Variants in SLC2A13 observed in about 807,000 individuals in gnomAD.
SLC2A13 encodes solute carrier family 2 member 13.
A neutral mutation model predicts 64.4 loss-of-function variants in SLC2A13; 32 were observed. That is an observed-to-expected ratio of 0.50 (90% confidence interval 0.37 to 0.67). The LOEUF (loss-of-function observed/expected upper bound fraction) is 0.67, where lower values mean the gene tolerates loss of function less well. Among genes scored for constraint, SLC2A13 ranks in the 30% least tolerant of loss-of-function variants. SLC2A13 has a pLI of 0.00. For missense variants in SLC2A13, 743 were observed against 829.2 expected, an observed-to-expected ratio of 0.90 and a Z score of 1.28; for synonymous variants, 338 against 327.1, an observed-to-expected ratio of 1.03 and a Z score of -0.36.
At chr12:39,872,031 A>C in intron 4 of SLC2A13, 70 bp from the exon 5 acceptor site, 1 of 1,342,180 alleles carries the variant, frequency 7.5e-7, no homozygotes, top group East Asian at 2.7e-5. Context: ...TTGATAGAAA[A>C]AGATGTATTC....
chr12:39,918,032 CA>C (rs1945549369), intron 4 of SLC2A13, among the ~76,000 whole-genome samples: 1 of 151,904 alleles, frequency 6.6e-6, no homozygotes. Flanking sequence ...TGCATACAAA[CA>C]ATTAATTTAA....
At chr12:39,991,741 G>C (rs1033767179) in intron 3 of SLC2A13, among the ~76,000 whole-genome samples, 3 of 152,010 alleles carry the variant, frequency 2.0e-5, no homozygotes, top group Non-Finnish European at 4.4e-5. Context: ...TCAGTATGAA[G>C]TTGCCTAATA....
chr12:39,869,636 C>T (rs7306234), intron 5 of SLC2A13, among the ~76,000 whole-genome samples: 100,797 of 151,928 alleles, frequency 0.66, 33,833 homozygotes, highest in East Asian at 0.76. Context: ...CTGAAATCCC[C>T]TGGTGTTTCC....
chr12:39,825,783 G>A (rs1452625660), intron 7 of SLC2A13, among the ~76,000 whole-genome samples: 1 of 151,670 alleles, frequency 6.6e-6, no homozygotes, highest in Non-Finnish European at 1.5e-5. Flanking sequence ...TGATCCTTCC[G>A]AGTATTTCTT....
At chr12:39,771,511 C>T (rs960092089) in intron 7 of SLC2A13, among the ~76,000 whole-genome samples, 1 of 152,080 alleles carries the variant, frequency 6.6e-6, no homozygotes, top group Non-Finnish European at 1.5e-5. Context: ...ATTCTGCTAA[C>T]AAAAATGAAT....
intron 6 of SLC2A13, among the ~76,000 whole-genome samples, chr12:39,863,391 C>A (rs1943815303): frequency 6.6e-6 from 1 of 152,062 alleles, no homozygotes; most frequent in African/African-American, 2.4e-5. Flanking sequence ...GTTCAAAGAA[C>A]TTTTTCTAAT....
At chr12:39,986,699 CAA>C (rs144185678) in intron 3 of SLC2A13, among the ~76,000 whole-genome samples, 3 of 138,446 alleles carry the variant, frequency 2.2e-5, no homozygotes, top group Non-Finnish European at 3.2e-5. Flanking sequence ...TCTTAGCAGA[CAA>C]AAAAAAAAAG....
Position 39,913,680 on chromosome 12 carries a change from A to G in SLC2A13, c.1034+37577T>C, listed in dbSNP as rs560796359. Reference sequence around the variant, plus strand: ...GATACATAATTTGTTCATAAGAATAATATATTAATAAGATATAATACTAGT... The same window carrying G: ...GATACATAATTTGTTCATAAGAATAGTATATTAATAAGATATAATACTAGT... On this transcript the variant is annotated intron_variant, in intron 4 of 9. Coordinates refer to ENST00000280871, the MANE Select transcript of SLC2A13 (RefSeq NM_052885.4). Among the ~76,000 whole-genome samples the G allele has an allele frequency of 2.0e-5, 3 of 152,066 alleles. No individual in the cohort carries two copies. In the South Asian group the frequency reaches 6.2e-4, roughly 31 times the overall value.
intron 3 of SLC2A13, among the ~76,000 whole-genome samples, chr12:40,019,874 A>G (rs1947683928): frequency 1.3e-5 from 2 of 152,164 alleles, no homozygotes; most frequent in Non-Finnish European, 2.9e-5. Context: ...GGCTTCATAA[A>G]CCTAATAATT....
At chr12:40,017,225 T>A (rs1947635385) in intron 3 of SLC2A13, among the ~76,000 whole-genome samples, 1 of 152,208 alleles carries the variant, frequency 6.6e-6, no homozygotes, top group African/African-American at 2.4e-5. Flanking sequence ...AATGACTGTA[T>A]CTGGCAATGA....
chr12:39,929,572 T>C (rs1592291521), intron 4 of SLC2A13, among the ~76,000 whole-genome samples: 2 of 146,342 alleles, frequency 1.4e-5, no homozygotes, highest in Non-Finnish European at 3.0e-5. Context: ...GCAAAAGACA[T>C]GTAATATAGG....
At chr12:39,772,420 A>T (rs1215392752) in intron 7 of SLC2A13, among the ~76,000 whole-genome samples, 1 of 151,978 alleles carries the variant, frequency 6.6e-6, no homozygotes, top group East Asian at 1.9e-4. Flanking sequence ...TTTTTTTTTT[A>T]AATCTCAACC....
chr12:40,066,412 G>C (rs1307097085), intron 1 of SLC2A13, among the ~76,000 whole-genome samples: 1 of 152,124 alleles, frequency 6.6e-6, no homozygotes, highest in Non-Finnish European at 1.5e-5. Flanking sequence ...TTTAAAGAAA[G>C]CGATAAAGCA....
intron 3 of SLC2A13, among the ~76,000 whole-genome samples, chr12:39,970,278 T>G (rs1239897517): frequency 6.6e-6 from 1 of 152,318 alleles, no homozygotes; most frequent in East Asian, 1.9e-4. Flanking sequence ...GACTTGGCAA[T>G]GCAGGCTCTT....
At chr12:39,885,890 T>G (rs539822383) in intron 4 of SLC2A13, among the ~76,000 whole-genome samples, 1 of 152,326 alleles carries the variant, frequency 6.6e-6, no homozygotes, top group African/African-American at 2.4e-5. Context: ...TTCTAACGTA[T>G]TTGGTTCAAC....
At chr12:39,930,380 C>T (rs112477947) in intron 4 of SLC2A13, among the ~76,000 whole-genome samples, 338 of 151,758 alleles carry the variant, frequency 2.2e-3, no homozygotes, top group African/African-American at 7.5e-3. Context: ...CCATCATCAT[C>T]GTAATGAAAA....
intron 1 of SLC2A13, among the ~76,000 whole-genome samples, chr12:40,104,105 G>A (rs1295530414): frequency 2.0e-5 from 3 of 152,110 alleles, no homozygotes; most frequent in African/African-American, 7.2e-5. Flanking sequence ...AACAAGTGGT[G>A]AATACACAGA....
At chr12:39,875,385 T>C (rs73276507) in intron 4 of SLC2A13, among the ~76,000 whole-genome samples, 2,312 of 152,350 alleles carry the variant, frequency 0.015, 54 homozygotes, top group African/African-American at 0.052. Flanking sequence ...CCCTTGTGAC[T>C]ATATTGGCTC....
At chr12:39,818,807 G>T (rs939803445) in intron 7 of SLC2A13, among the ~76,000 whole-genome samples, 2 of 152,070 alleles carry the variant, frequency 1.3e-5, no homozygotes, top group African/African-American at 4.8e-5. Context: ...ATGTAGAAAA[G>T]TTTCTACATA....
Sources: allele counts gnomAD v4.1 joint callset (sites outside exome capture counted in the v4.1 genomes callset), GRCh38; gene constraint gnomAD v4.1.1; transcripts MANE v1.5; gene names NCBI Gene and HGNC (gene_info 2026-07-23, HGNC 2026-07-21).